CNTNAP2: variants seen among roughly 807,000 people sequenced by gnomAD.
The protein encoded by CNTNAP2 is contactin associated protein 2.
In CNTNAP2, 98 loss-of-function variants were observed where a neutral mutation model predicts 155.2. The observed-to-expected ratio is 0.63, with a 90% confidence interval of 0.54 to 0.75. The LOEUF is 0.75. Ranked by LOEUF, CNTNAP2 falls within the 30% of genes least tolerant of loss-of-function variation. CNTNAP2 has a pLI of 0.00. For missense variants in CNTNAP2, 1,727 were observed against 1,688.1 expected, an observed-to-expected ratio of 1.02 and a Z score of -0.40; for synonymous variants, 651 against 631.2, an observed-to-expected ratio of 1.03 and a Z score of -0.47.
intron 16 of CNTNAP2, among the ~76,000 whole-genome samples, chr7:148,131,927 GA>G (rs1246167626): frequency 6.6e-6 from 1 of 152,054 alleles, no homozygotes; most frequent in Admixed American, 6.6e-5. Flanking sequence ...TAGATTACTT[GA>G]AAAAGCTCAG....
intron 11 of CNTNAP2, among the ~76,000 whole-genome samples, chr7:147,491,207 A>G (rs1028057346): frequency 3.3e-5 from 5 of 152,112 alleles, no homozygotes; most frequent in African/African-American, 1.2e-4. Flanking sequence ...CATGTCTTTA[A>G]CCTGATTTCC....
intron 13 of CNTNAP2, among the ~76,000 whole-genome samples, chr7:147,720,047 CTCTT>C (rs1315612932): frequency 6.6e-6 from 1 of 152,030 alleles, no homozygotes; most frequent in Non-Finnish European, 1.5e-5. Context: ...TCATATTCTT[CTCTT>C]TCTGTTTTTT....
intron 8 of CNTNAP2, among the ~76,000 whole-genome samples, chr7:147,197,076 T>C (rs1021944064): frequency 6.6e-6 from 1 of 152,144 alleles, no homozygotes; most frequent in Non-Finnish European, 1.5e-5. Context: ...TCCTTTTCTG[T>C]GTGGCAGATA....
chr7:146,216,251 G>A (rs1428947956), intron 1 of CNTNAP2, among the ~76,000 whole-genome samples: 1 of 152,170 alleles, frequency 6.6e-6, no homozygotes, highest in African/African-American at 2.4e-5. Flanking sequence ...TGGAAGTTAG[G>A]CAGTGGTTGA....
intron 20 of CNTNAP2, among the ~76,000 whole-genome samples, chr7:148,238,349 A>G (rs561406905): frequency 1.3e-5 from 2 of 151,954 alleles, no homozygotes; most frequent in Non-Finnish European, 2.9e-5. Context: ...CTCCATCTCA[A>G]AAAAAAAGAA....
intron 1 of CNTNAP2, among the ~76,000 whole-genome samples, chr7:146,473,558 A>T: frequency 6.6e-6 from 1 of 152,076 alleles, no homozygotes; most frequent in Non-Finnish European, 1.5e-5. Context: ...GGGTGACAAT[A>T]TTCTTCTTTC....
chr7:148,189,350 G>T (rs1795167353), intron 18 of CNTNAP2, among the ~76,000 whole-genome samples: 1 of 152,156 alleles, frequency 6.6e-6, no homozygotes, highest in African/African-American at 2.4e-5. Context: ...GCAAGCAAAT[G>T]GAGGAATAAC....
chr7:146,261,695 C>A (rs905085482), intron 1 of CNTNAP2, among the ~76,000 whole-genome samples: 7 of 151,974 alleles, frequency 4.6e-5, no homozygotes, highest in African/African-American at 1.7e-4. Context: ...TTGTAGTCTG[C>A]AAAGGTTGTA....
chr7:148,331,769 G>GGGGTAGACA (rs1798028324), intron 21 of CNTNAP2, among the ~76,000 whole-genome samples: 1 of 89,154 alleles, frequency 1.1e-5, no homozygotes, highest in Non-Finnish European at 2.5e-5. Context: ...TGGATTGGAT[G>GGGGTAGACA]GATGGAATGG....
Position 147,062,127 on chromosome 7 carries a change from C to CAAAA in CNTNAP2, c.550+18113_550+18116dup, listed in dbSNP as rs869125044. On this transcript the variant is annotated intron_variant, in intron 4 of 23. Coordinates refer to ENST00000361727, the MANE Select transcript of CNTNAP2 (RefSeq NM_014141.6). ...TGGGCGACAGAGCGAGACTCCGTCT[C>CAAAA]AAAAAAAAAAAAAAAAAAAAAAAAA... Among the ~76,000 whole-genome samples, 344 of 44,912 alleles carry CAAAA rather than the reference C, an allele frequency of 7.7e-3. 71 individuals carry two copies. Among genetic ancestry groups the CAAAA allele is most frequent in the East Asian group, 0.022 (16 of 736 alleles). The allele number at this position is 44,912 out of a possible 152,430, so 29.5% of individuals were successfully genotyped here. A position where few individuals can be genotyped will look rare whatever the true frequency, so the allele number is the denominator to read the frequency against.
At chr7:147,502,266 A>G (rs1798828738) in intron 11 of CNTNAP2, among the ~76,000 whole-genome samples, 1 of 152,242 alleles carries the variant, frequency 6.6e-6, no homozygotes, top group East Asian at 1.9e-4. Flanking sequence ...AAATGGACAA[A>G]GCAATAGCAA....
intron 4 of CNTNAP2, among the ~76,000 whole-genome samples, chr7:147,068,174 C>T (rs1799819762): frequency 2.0e-5 from 3 of 152,096 alleles, no homozygotes; most frequent in Admixed American, 2.0e-4. Flanking sequence ...CTCAGGCCCA[C>T]TAAGGATGGT....
chr7:147,082,467 G>A (rs868356201), intron 4 of CNTNAP2: 1 of 152,096 alleles, frequency 6.6e-6, no homozygotes, highest in South Asian at 2.1e-4. Flanking sequence ...AAGGAGAATA[G>A]AAAACTAGTC....
intron 4 of CNTNAP2, among the ~76,000 whole-genome samples, chr7:147,070,354 A>T (rs1799867304): frequency 6.6e-6 from 1 of 152,252 alleles, no homozygotes; most frequent in Non-Finnish European, 1.5e-5. Flanking sequence ...CTGTCGGGGA[A>T]AAATGAGCTA....
At chr7:147,632,570 G>C (rs1158796736) in intron 12 of CNTNAP2, among the ~76,000 whole-genome samples, 1 of 152,182 alleles carries the variant, frequency 6.6e-6, no homozygotes, top group East Asian at 1.9e-4. Context: ...GTGAAACTAA[G>C]AGTCAATTAA....
intron 4 of CNTNAP2, among the ~76,000 whole-genome samples, chr7:147,100,768 A>G (rs1800636623): frequency 6.6e-6 from 1 of 152,226 alleles, no homozygotes; most frequent in African/African-American, 2.4e-5. Context: ...CCTTGTTTCA[A>G]ACCTAAATGA....
intron 21 of CNTNAP2, among the ~76,000 whole-genome samples, chr7:148,296,417 T>C (rs544997571): frequency 2.6e-5 from 4 of 151,646 alleles, no homozygotes; most frequent in Non-Finnish European, 2.9e-5. Context: ...CATAGTGGCA[T>C]ACGCCTGTAG....
intron 1 of CNTNAP2, among the ~76,000 whole-genome samples, chr7:146,489,960 G>T (rs1333204964): frequency 6.6e-6 from 1 of 152,110 alleles, no homozygotes; most frequent in Non-Finnish European, 1.5e-5. Context: ...ACAAATTAGG[G>T]AAAGGTAGGT....
chr7:147,159,463 G>T (rs1563097577), intron 8 of CNTNAP2, among the ~76,000 whole-genome samples: 1 of 152,006 alleles, frequency 6.6e-6, no homozygotes, highest in Non-Finnish European at 1.5e-5. Flanking sequence ...TATCTTTGAT[G>T]TTCAGATATT....
Sources: gnomAD v4.1 joint callset for allele counts (sites outside exome capture counted in the v4.1 genomes callset) on GRCh38, gnomAD v4.1.1 for gene constraint, MANE v1.5 for transcripts, NCBI Gene and HGNC (gene_info 2026-07-23, HGNC 2026-07-21) for gene names.